The following CDH4 variants were observed in gnomAD, a reference collection of about 807,000 sequenced individuals.
CDH4 encodes the protein cadherin 4, also known as cadherin-4.
CDH4 carries 33 observed loss-of-function variants against 86.0 expected under a neutral mutation model. That is an observed-to-expected ratio of 0.38 (90% CI 0.29 to 0.51). The LOEUF (loss-of-function observed/expected upper bound fraction) is 0.51. Among genes scored for constraint, CDH4 ranks in the 20% least tolerant of loss-of-function variants. CDH4 has a pLI of 0.86. For missense variants in CDH4, 1,114 were observed against 1,307.4 expected, an observed-to-expected ratio of 0.85 and a Z score of 2.28; for synonymous variants, 555 against 549.4, an observed-to-expected ratio of 1.01 and a Z score of -0.14.
At chr20:61,841,245 A>C (rs1982152166) in intron 4 of CDH4, among the ~76,000 whole-genome samples, 1 of 152,176 alleles carries the variant, frequency 6.6e-6, no homozygotes, top group Non-Finnish European at 1.5e-5. Flanking sequence ...CATACTCATC[A>C]GGCCTCGGAG....
intron 4 of CDH4, among the ~76,000 whole-genome samples, chr20:61,824,409 A>G (rs1981215973): frequency 6.6e-6 from 1 of 152,104 alleles, no homozygotes; most frequent in Non-Finnish European, 1.5e-5. Context: ...CATGAATTAA[A>G]TGGATCAATG....
At chr20:61,312,242 T>G (rs2084450211) in intron 2 of CDH4, among the ~76,000 whole-genome samples, 1 of 151,200 alleles carries the variant, frequency 6.6e-6, no homozygotes, top group South Asian at 2.1e-4. Context: ...TGCATGTGTG[T>G]GGTGTGTGTG....
At chr20:61,728,563 C>G (rs2088141562) in intron 2 of CDH4, among the ~76,000 whole-genome samples, 1 of 152,130 alleles carries the variant, frequency 6.6e-6, no homozygotes. Context: ...GCGGTGGAAC[C>G]TCGGGATACG....
intron 4 of CDH4, among the ~76,000 whole-genome samples, chr20:61,813,872 C>T (rs1980569473): frequency 6.6e-6 from 1 of 152,338 alleles, no homozygotes; most frequent in East Asian, 1.9e-4. Context: ...CGCACAAACC[C>T]TGCACAGAGG....
At chr20:61,668,348 C>T (rs1468799591) in intron 2 of CDH4, among the ~76,000 whole-genome samples, 13 of 152,190 alleles carry the variant, frequency 8.5e-5, no homozygotes, top group South Asian at 2.1e-4. Context: ...CAGGCTGCCC[C>T]GAAGCCGCAG....
At chr20:61,825,403 A>G (rs1179951179) in intron 4 of CDH4, among the ~76,000 whole-genome samples, 1 of 152,180 alleles carries the variant, frequency 6.6e-6, no homozygotes, top group Non-Finnish European at 1.5e-5. Flanking sequence ...CTCTGTCTCA[A>G]AAATAAACAA....
intron 2 of CDH4, among the ~76,000 whole-genome samples, chr20:61,524,287 G>A (rs1324812814): frequency 6.6e-6 from 1 of 152,166 alleles, no homozygotes; most frequent in Non-Finnish European, 1.5e-5. Context: ...CCAAAGGAGG[G>A]CACGTGAAAA....
chr20:61,581,502 C>T (rs1047134437), intron 2 of CDH4, among the ~76,000 whole-genome samples: 1 of 152,066 alleles, frequency 6.6e-6, no homozygotes, highest in African/African-American at 2.4e-5. Flanking sequence ...GCTCTGGTCC[C>T]TCTCTACTCC....
chr20:61,370,523 A>G (rs930558361), intron 2 of CDH4: 4 of 152,186 alleles, frequency 2.6e-5, no homozygotes, highest in Admixed American at 1.3e-4. Flanking sequence ...TTCCTCCTCT[A>G]TAGACAGGGA....
At chr20:61,305,133 G>C (rs1177924448) in intron 2 of CDH4, among the ~76,000 whole-genome samples, 2 of 152,038 alleles carry the variant, frequency 1.3e-5, no homozygotes, top group South Asian at 4.2e-4. Context: ...ATTGTGTGTG[G>C]GGAGTATTTT....
intron 2 of CDH4, among the ~76,000 whole-genome samples, chr20:61,607,845 G>A (rs1283174313): frequency 3.3e-5 from 5 of 152,196 alleles, no homozygotes; most frequent in African/African-American, 9.7e-5. Flanking sequence ...AGGGAGGCTG[G>A]TTTGATGCTT....
chr20:61,904,251 G>C (rs1172542672), intron 8 of CDH4, among the ~76,000 whole-genome samples: 1 of 152,210 alleles, frequency 6.6e-6, no homozygotes, highest in Non-Finnish European at 1.5e-5. Flanking sequence ...AGGCGTGCCA[G>C]GGGCTGCGGC....
intron 2 of CDH4, among the ~76,000 whole-genome samples, chr20:61,445,877 C>G (rs987578572): frequency 1.3e-5 from 2 of 152,210 alleles, no homozygotes; most frequent in African/African-American, 2.4e-5. Context: ...GCTAGTCCTC[C>G]GCGCAGTCCT....
chr20:61,609,272 T>C (rs1723103258), intron 2 of CDH4, among the ~76,000 whole-genome samples: 1 of 152,130 alleles, frequency 6.6e-6, no homozygotes, highest in Non-Finnish European at 1.5e-5. Flanking sequence ...GGCCAGAAAA[T>C]GACCACAGAG....
intron 2 of CDH4, among the ~76,000 whole-genome samples, chr20:61,304,604 T>C (rs1044278940): frequency 6.6e-6 from 1 of 152,138 alleles, no homozygotes. Flanking sequence ...GCCATAACAA[T>C]ATTAAGAGGC....
intron 3 of CDH4, among the ~76,000 whole-genome samples, chr20:61,745,152 G>A (rs558535111): frequency 4.2e-4 from 64 of 152,354 alleles, no homozygotes; most frequent in African/African-American, 5.8e-4. Flanking sequence ...GCACTCCCTC[G>A]GAAAAGGGCC....
intron 2 of CDH4, among the ~76,000 whole-genome samples, chr20:61,634,719 G>A (rs772400472): frequency 3.9e-5 from 6 of 152,192 alleles, no homozygotes; most frequent in East Asian, 3.9e-4. Flanking sequence ...GCTCTGCGGC[G>A]TTAGTGTATT....
intron 2 of CDH4, among the ~76,000 whole-genome samples, chr20:61,427,250 G>T (rs1045060986): frequency 6.6e-6 from 1 of 152,160 alleles, no homozygotes; most frequent in South Asian, 2.1e-4. Flanking sequence ...AGCTGACCCT[G>T]CTCTGACCTT....
chr20:61,762,393 A>G (rs771864208), intron 3 of CDH4, among the ~76,000 whole-genome samples: 6 of 152,216 alleles, frequency 3.9e-5, no homozygotes, highest in Admixed American at 6.5e-5. Context: ...ACCATCTTCA[A>G]TACCCACTGT....
Sources: gnomAD v4.1 joint callset for allele counts (sites outside exome capture counted in the v4.1 genomes callset) on GRCh38, gnomAD v4.1.1 for gene constraint, MANE v1.5 for transcripts, NCBI Gene and HGNC (gene_info 2026-07-23, HGNC 2026-07-21) for gene names.